Variants in CSMD2 observed in about 807,000 individuals in gnomAD.
CSMD2 encodes CUB and Sushi multiple domains 2.
CSMD2 carries 130 observed loss-of-function variants against 398.5 expected under a neutral mutation model. That is an observed-to-expected ratio of 0.33 (90% CI 0.28 to 0.38). CSMD2 has a LOEUF of 0.38. Among genes scored for constraint, CSMD2 ranks in the 10% least tolerant of loss-of-function variants. The pLI is 1.00. For synonymous variants in CSMD2, 1,828 were observed against 1,908.5 expected (o/e 0.96, Z 1.10); for missense variants, 3,829 against 4,764.9 (o/e 0.80, Z 5.78).
chr1:33,879,517 C>A (rs150473655), intron 5 of CSMD2, among the ~76,000 whole-genome samples: 1 of 152,204 alleles, frequency 6.6e-6, no homozygotes, highest in Non-Finnish European at 1.5e-5. Context: ...GAAAGTCACA[C>A]AAATACCTGA....
At chr1:33,625,304 C>T in intron 33 of CSMD2, 50 bp from the exon 34 acceptor site, 1 of 1,528,932 alleles carries the variant, frequency 6.5e-7, no homozygotes, top group Non-Finnish European at 8.9e-7. Context: ...CAGAAACTGG[C>T]CCAGGGACGG....
chr1:34,083,984 CAA>C (rs796906555), intron 2 of CSMD2, among the ~76,000 whole-genome samples: 2 of 143,548 alleles, frequency 1.4e-5, no homozygotes, highest in Admixed American at 6.9e-5. Context: ...CATCATCAAT[CAA>C]AAAAAAAAAG....
intron 25 of CSMD2, among the ~76,000 whole-genome samples, chr1:33,664,676 G>A (rs1644250553): frequency 6.6e-6 from 1 of 151,994 alleles, no homozygotes; most frequent in Non-Finnish European, 1.5e-5. Context: ...GGTGGCGGGC[G>A]CCTGTAGTCC....
chr1:33,646,561 A>AT (rs1643439682), intron 29 of CSMD2, 87 bp downstream of exon 29: 1 of 1,427,206 alleles, frequency 7.0e-7, no homozygotes, highest in Non-Finnish European at 9.7e-7. Context: ...GGTCCAGCCC[A>AT]GGGCTCTCCT....
At chr1:34,102,232 G>A (rs1377556328) in intron 1 of CSMD2, among the ~76,000 whole-genome samples, 2 of 152,034 alleles carry the variant, frequency 1.3e-5, no homozygotes, top group Non-Finnish European at 2.9e-5. Flanking sequence ...GGGTTTCACT[G>A]TGTTAGCCAA....
At chr1:34,077,234 G>A (rs1381906045) in intron 2 of CSMD2, among the ~76,000 whole-genome samples, 25 of 148,484 alleles carry the variant, frequency 1.7e-4, no homozygotes, top group Admixed American at 1.4e-4. Flanking sequence ...GAGGAGGGTG[G>A]ATCACAAGGT....
chr1:33,734,319 C>T (rs967673210), intron 15 of CSMD2, among the ~76,000 whole-genome samples: 1 of 152,100 alleles, frequency 6.6e-6, no homozygotes, highest in African/African-American at 2.4e-5. Flanking sequence ...AGCTGTATTG[C>T]ACTTGTGCAT....
Position 33,714,663 on chromosome 1 carries a change from A to C in CSMD2, c.3330T>G (p.Arg1110=). ...ACGTGATGCGGGCGGTGCCCTCCAG[A>C]CGGTACCCGGGGAAGCAGGAGAAGG... The part of the protein sequence containing the change: ...TLTFSCFPGY[R]LEGTARITCL... The change falls in exon 21 of 71, where the codon CGT becomes CGG. Residue 1110 remains arginine (R), a synonymous_variant. Transcript: ENST00000373381. 1 of 1,613,900 alleles carries C rather than the reference A, an allele frequency of 6.2e-7. No individual in the cohort carries two copies. Among genetic ancestry groups the C allele is most frequent in the Non-Finnish European group, 8.5e-7 (1 of 1,180,026 alleles).
intron 1 of CSMD2, among the ~76,000 whole-genome samples, chr1:34,093,370 C>G (rs1040119624): frequency 6.6e-6 from 1 of 152,144 alleles, no homozygotes; most frequent in Non-Finnish European, 1.5e-5. Context: ...TCCAAAGGAA[C>G]GCAGCTCCTC....
At chr1:34,107,499 G>A (rs867161078) in intron 1 of CSMD2, among the ~76,000 whole-genome samples, 1 of 152,106 alleles carries the variant, frequency 6.6e-6, no homozygotes, top group Non-Finnish European at 1.5e-5. Context: ...AGGAAACTGA[G>A]GTCTAGGAAG....
intron 3 of CSMD2, among the ~76,000 whole-genome samples, chr1:34,019,798 T>C (rs1162460301): frequency 6.6e-6 from 1 of 152,198 alleles, no homozygotes; most frequent in African/African-American, 2.4e-5. Context: ...AGCTATTCCC[T>C]GTCCCTCAAG....
At chr1:33,923,055 AT>A (rs1644001757) in intron 4 of CSMD2, among the ~76,000 whole-genome samples, 1 of 151,742 alleles carries the variant, frequency 6.6e-6, no homozygotes, top group African/African-American at 2.4e-5. Flanking sequence ...TTTTTTTTGC[AT>A]TGAGAACTTT....
In CSMD2 at chr1:33,581,354, T is replaced by TAA. The variant is rs35599517; in HGVS notation, c.7241-457_7241-456dup. Among the ~76,000 whole-genome samples, 269 of 84,208 alleles carry TAA rather than the reference T, an allele frequency of 3.2e-3. 7 individuals are homozygous for TAA. Among genetic ancestry groups the TAA allele is most frequent in the Non-Finnish European group, 4.4e-3 (192 of 43,630 alleles). The allele number at this position is 84,208 out of a possible 152,430, so 55.2% of individuals were successfully genotyped here. ...TTGGCAAGCAAGACCCCATCTTTAC[T>TAA]AAAAAAAAAAAAAAAAAAAAAAAAA... On this transcript the variant is annotated intron_variant, in intron 47 of 70. Transcript: ENST00000373381.
At chr1:33,845,639 AC>A (rs1661280407) in intron 6 of CSMD2, among the ~76,000 whole-genome samples, 1 of 152,230 alleles carries the variant, frequency 6.6e-6, no homozygotes. Flanking sequence ...AGTGGAAAAA[AC>A]ATCTCCAAGA....
rs1655888591 is a variant in CSMD2, at chr1:33,537,271, T to C, written c.9805+165A>G. 6.6e-6 allele frequency among the ~76,000 whole-genome samples: 1 copy of C among 152,170 alleles called. No homozygotes were observed. The highest frequency in any genetic ancestry group is 2.4e-5 in the African/African-American group (1 of 41,446). On this transcript the variant is annotated intron_variant, in intron 61 of 70. Coordinates refer to ENST00000373381, the MANE Select transcript of CSMD2 (RefSeq NM_001281956.2). This position sits in a 1 kb window ranked among gnomAD's most constrained non-coding sequence, Gnocchi z 4.6. ...GTCTATTTGACTCCTCGAAGCACACTAGCTCTGGCTATTTTACATCCTGCT... is the reference window on the plus strand; with the variant it reads ...GTCTATTTGACTCCTCGAAGCACACCAGCTCTGGCTATTTTACATCCTGCT...
intron 1 of CSMD2, among the ~76,000 whole-genome samples, chr1:34,130,596 C>T (rs980475031): frequency 6.6e-6 from 1 of 151,846 alleles, no homozygotes; most frequent in Non-Finnish European, 1.5e-5. Flanking sequence ...TAGGATTTCT[C>T]CAGCTGCTGT....
intron 5 of CSMD2, chr1:33,864,176 A>G (rs1350025085): frequency 1.3e-5 from 21 of 1,578,514 alleles, no homozygotes; most frequent in Non-Finnish European, 1.8e-5. Flanking sequence ...TCCAGAAAAA[A>G]GGTGAACTTA....
chr1:33,714,039 G>A (rs1484075838), intron 21 of CSMD2, among the ~76,000 whole-genome samples: 2 of 152,178 alleles, frequency 1.3e-5, no homozygotes, highest in Non-Finnish European at 2.9e-5. Flanking sequence ...CTGAGATGTA[G>A]TGGGTCATCT....
At chr1:34,052,580 C>T (rs936902393) in intron 2 of CSMD2, among the ~76,000 whole-genome samples, 1 of 149,634 alleles carries the variant, frequency 6.7e-6, no homozygotes, top group Non-Finnish European at 1.5e-5. Flanking sequence ...ATTGAGTATC[C>T]TATAGGTTCT....
Sources: gnomAD v4.1 joint callset for allele counts (sites outside exome capture counted in the v4.1 genomes callset) on GRCh38, gnomAD v4.1.1 for gene constraint, Gnocchi (gnomAD v3.1) non-coding constraint, MANE v1.5 for transcripts, NCBI Gene and HGNC (gene_info 2026-07-23, HGNC 2026-07-21) for gene names.